The following PCDH7 variants were observed in gnomAD, a reference collection of about 807,000 sequenced individuals.
PCDH7 encodes protocadherin 7.
In PCDH7, 17 loss-of-function variants were observed where a neutral mutation model predicts 58.9. The observed-to-expected ratio is 0.29, with a 90% CI of 0.20 to 0.43. The LOEUF is 0.43. Ranked by LOEUF, PCDH7 falls within the 20% of genes least tolerant of loss-of-function variation. The probability of loss-of-function intolerance (pLI) is 1.00; values close to 1 mark genes in which losing one functional copy is unlikely to be tolerated. For missense variants in PCDH7, 1,274 were observed against 1,441.0 expected, an observed-to-expected ratio of 0.88 and a Z score of 1.88; for synonymous variants, 664 against 616.4, an observed-to-expected ratio of 1.08 and a Z score of -1.14.
intron 3 of PCDH7, among the ~76,000 whole-genome samples, chr4:31,035,148 G>C (rs1018415457): frequency 6.6e-6 from 1 of 152,068 alleles, no homozygotes; most frequent in Non-Finnish European, 1.5e-5. Context: ...CATGGAGATG[G>C]CATCTCTTCC....
chr4:30,891,294 A>C (rs2109383471), intron 1 of PCDH7, among the ~76,000 whole-genome samples: 1 of 152,212 alleles, frequency 6.6e-6, no homozygotes, highest in South Asian at 2.1e-4. Context: ...TCACTAAGCA[A>C]ATGAGAGTAA....
intron 3 of PCDH7, among the ~76,000 whole-genome samples, chr4:31,129,615 T>C (rs1459299177): frequency 3.3e-5 from 5 of 152,104 alleles, no homozygotes; most frequent in Non-Finnish European, 1.5e-5. Context: ...TGAAATTATT[T>C]TCTTTAAATT....
intron 1 of PCDH7, among the ~76,000 whole-genome samples, chr4:30,726,159 G>C (rs1479911751): frequency 6.6e-6 from 1 of 151,932 alleles, no homozygotes; most frequent in African/African-American, 2.4e-5. Context: ...GCTTTTATTG[G>C]TGTTGTAAAC....
intron 3 of PCDH7, among the ~76,000 whole-genome samples, chr4:30,979,338 AAG>A (rs1469963177): frequency 2.0e-4 from 31 of 151,394 alleles, no homozygotes; most frequent in African/African-American, 7.5e-4. Flanking sequence ...AAAAAAAAAA[AAG>A]AAAAAAAAGA....
chr4:30,910,991 A>C (rs1441114645), intron 1 of PCDH7, among the ~76,000 whole-genome samples: 1 of 152,206 alleles, frequency 6.6e-6, no homozygotes, highest in East Asian at 1.9e-4. Flanking sequence ...AAAAAGAATG[A>C]GTTCATGTTG....
chr4:31,071,208 T>C (rs953267401), intron 3 of PCDH7, among the ~76,000 whole-genome samples: 2 of 151,992 alleles, frequency 1.3e-5, no homozygotes, highest in African/African-American at 4.8e-5. Context: ...AGAAAAAATA[T>C]ATAGAGGGAA....
intron 3 of PCDH7, among the ~76,000 whole-genome samples, chr4:31,078,639 A>ATTTTTTTTTTTT (rs10709152): frequency 1.4e-5 from 1 of 73,564 alleles, no homozygotes; most frequent in African/African-American, 5.2e-5. Context: ...ACCATGCCCC[A>ATTTTTTTTTTTT]TTTTTTTTTT....
chr4:30,868,957 G>A (rs927136319), intron 1 of PCDH7: 22 of 151,908 alleles, frequency 1.4e-4, no homozygotes, highest in African/African-American at 5.1e-4. Context: ...AATGAAAAGG[G>A]GTGAACTAAA....
chr4:30,741,564 G>C (rs1717081914), intron 1 of PCDH7, among the ~76,000 whole-genome samples: 1 of 152,110 alleles, frequency 6.6e-6, no homozygotes, highest in African/African-American at 2.4e-5. Context: ...TGCTAAAATT[G>C]TAAGGAACCC....
chr4:30,809,548 T>C (rs962741902), intron 1 of PCDH7, among the ~76,000 whole-genome samples: 1 of 152,176 alleles, frequency 6.6e-6, no homozygotes, highest in East Asian at 1.9e-4. Context: ...CTTCTAGAAC[T>C]CAGAGGTAGC....
intron 2 of PCDH7, among the ~76,000 whole-genome samples, chr4:30,946,882 T>C (rs1430166056): frequency 6.6e-6 from 1 of 152,056 alleles, no homozygotes; most frequent in Non-Finnish European, 1.5e-5. Context: ...GATAATTTTT[T>C]TGTGCTTTTA....
intron 3 of PCDH7, among the ~76,000 whole-genome samples, chr4:31,011,070 A>G (rs937431885): frequency 2.0e-5 from 3 of 151,924 alleles, no homozygotes; most frequent in African/African-American, 4.8e-5. Context: ...GTGGGTTTCT[A>G]TAATATGTAT....
chr4:30,899,967 T>A (rs1489067777), intron 1 of PCDH7, among the ~76,000 whole-genome samples: 2 of 152,210 alleles, frequency 1.3e-5, no homozygotes, highest in Non-Finnish European at 2.9e-5. Flanking sequence ...ATATTTTACA[T>A]AGTTTATATC....
At chr4:31,121,577 T>C (rs1451771454) in intron 3 of PCDH7, among the ~76,000 whole-genome samples, 1 of 152,214 alleles carries the variant, frequency 6.6e-6, no homozygotes, top group African/African-American at 2.4e-5. Flanking sequence ...TCTTTTTATA[T>C]ACAATCAGGA....
At chr4:31,111,419 C>T (rs918694612) in intron 3 of PCDH7, among the ~76,000 whole-genome samples, 1 of 151,948 alleles carries the variant, frequency 6.6e-6, no homozygotes, top group Non-Finnish European at 1.5e-5. Context: ...GCGATTCTCC[C>T]TGCTTCAGCC....
intron 3 of PCDH7, among the ~76,000 whole-genome samples, chr4:31,082,813 C>G (rs889100882): frequency 1.3e-5 from 2 of 152,030 alleles, no homozygotes; most frequent in Non-Finnish European, 2.9e-5. Context: ...AAAAACTACA[C>G]ATTAAGGGCC....
At chr4:30,941,510 T>C (rs1746038579) in intron 2 of PCDH7, among the ~76,000 whole-genome samples, 1 of 151,976 alleles carries the variant, frequency 6.6e-6, no homozygotes, top group Admixed American at 6.6e-5. Context: ...CAACTGTTGT[T>C]TGACTTGGCA....
chr4:30,862,565 A>T (rs1284243901), intron 1 of PCDH7, among the ~76,000 whole-genome samples: 3 of 152,208 alleles, frequency 2.0e-5, no homozygotes, highest in African/African-American at 7.2e-5. Context: ...AAGTGATAAC[A>T]TATTCTATCC....
At chr4:30,832,919 T>C (rs1358687700) in intron 1 of PCDH7, among the ~76,000 whole-genome samples, 1 of 151,946 alleles carries the variant, frequency 6.6e-6, no homozygotes, top group Non-Finnish European at 1.5e-5. Flanking sequence ...TCAGTGTAGG[T>C]CACAGAAGGC....
Sources: allele counts gnomAD v4.1 joint callset (sites outside exome capture counted in the v4.1 genomes callset), GRCh38; gene constraint gnomAD v4.1.1; transcripts MANE v1.5; gene names NCBI Gene and HGNC (gene_info 2026-07-23, HGNC 2026-07-21).